Variants in METTL5 observed in about 807,000 individuals in gnomAD.
The protein encoded by METTL5 is methyltransferase 5, N6-adenosine.
In METTL5, 28 loss-of-function variants were observed where a neutral mutation model predicts 26.5. The observed-to-expected ratio is 1.06, with a 90% confidence interval of 0.78 to 1.45. The LOEUF (loss-of-function observed/expected upper bound fraction) is 1.45. Ranked by LOEUF, METTL5 falls within the 40% of genes most tolerant of loss-of-function variation. The pLI is 0.00. For missense variants in METTL5, 231 were observed against 249.9 expected (o/e 0.92, Z 0.51); for synonymous variants, 86 against 82.6 (o/e 1.04, Z -0.22).
At position 169,824,639 on chromosome 2, in the gene METTL5, A is replaced by T. The variant is rs993893572; in HGVS notation, c.-42T>A. 2.8e-6 allele frequency: 4 copies of T among 1,430,336 alleles called. No homozygotes were observed. In the African/African-American group the frequency reaches 5.6e-5, roughly 20 times the overall value. The allele number at this position is 1,430,336 out of a possible 1,614,324, so 88.6% of individuals were successfully genotyped here. On this transcript the variant is annotated 5_prime_UTR_variant, in exon 1 of 7. Coordinates refer to ENST00000260953, the MANE Select transcript of METTL5 (RefSeq NM_014168.4). ...GACTCGTAGGGTTTGAAGGCACAGG[A>T]TCTGCGGAGAAATCTATTGAACTGG...
At position 169,821,992 on chromosome 2, in the gene METTL5, C is replaced by T. The variant is rs11554575; in HGVS notation, c.175G>A (p.Gly59Arg). 1 of 1,613,576 alleles carries T rather than the reference C, an allele frequency of 6.2e-7. No homozygotes were observed. The highest frequency in any genetic ancestry group is 8.5e-7 in the Non-Finnish European group (1 of 1,180,002). Residue 59 changes from glycine to arginine, a missense_variant, in exon 2 of 7, where the codon GGA (glycine) becomes AGA (arginine). Transcript: ENST00000260953. Reference sequence around the variant, plus strand: ...ATGCTAAGTACTCCACAACCACATCCTAGATCTGCAACGACTTTATTTTCA... The same window carrying T: ...ATGCTAAGTACTCCACAACCACATCTTAGATCTGCAACGACTTTATTTTCA... ...DIENKVVADL[G>R]CGCGVLSIGT...
chr2:169,817,895 G>T (rs567228133), intron 4 of METTL5, among the ~76,000 whole-genome samples: 1 of 152,144 alleles, frequency 6.6e-6, no homozygotes, highest in East Asian at 1.9e-4. Flanking sequence ...ATGTACCCTA[G>T]AACTTAAAGT....
chr2:169,821,871 A>G, intron 2 of METTL5, 72 bp downstream of exon 2: 4 of 1,356,378 alleles, frequency 2.9e-6, no homozygotes, highest in Non-Finnish European at 4.2e-6. Context: ...CATAAATATA[A>G]TTCAGTTAAT....
chr2:169,823,663 T>TA (rs1168517917), intron 1 of METTL5, among the ~76,000 whole-genome samples: 1 of 151,812 alleles, frequency 6.6e-6, no homozygotes, highest in Non-Finnish European at 1.5e-5. Context: ...CTACAAAAAA[T>TA]AAAAAATATT....
At chr2:169,819,412 T>C in intron 4 of METTL5, 149 bp downstream of exon 4, 1 of 545,520 alleles carries the variant, frequency 1.8e-6, no homozygotes, top group Admixed American at 3.2e-5. Flanking sequence ...AATCAGATGC[T>C]AGCTGGTTAA....
chr2:169,816,319 AG>A (rs1379319059), intron 4 of METTL5, among the ~76,000 whole-genome samples: 1 of 152,342 alleles, frequency 6.6e-6, no homozygotes. Flanking sequence ...GTTCGTTACT[AG>A]AGAAGTTTCT....
Position 169,819,451 on chromosome 2 carries a change from A to G in METTL5, c.489+110T>C, listed in dbSNP as rs532285135. ...GAAAATTTAAGTTTCACATGTCAAAATGGTCAGGAGAAATAGATACTGTGG... is the reference window on the plus strand; with the variant it reads ...GAAAATTTAAGTTTCACATGTCAAAGTGGTCAGGAGAAATAGATACTGTGG... On this transcript the variant is annotated intron_variant, in intron 4 of 6. Coordinates refer to ENST00000260953, the MANE Select transcript of METTL5 (RefSeq NM_014168.4). 1.5e-5 allele frequency: 11 copies of G among 722,114 alleles called. No individual in the cohort carries two copies. The African/African-American group carries it at 2.0e-4, about 13-fold the overall frequency. 44.7% of individuals were successfully genotyped at this position (722,114 alleles called of 1,614,324 possible).
At chr2:169,811,906 A>G (rs772545794) in intron 6 of METTL5, 48 bp from the exon 7 acceptor site, 2 of 1,583,112 alleles carry the variant, frequency 1.3e-6, no homozygotes, top group South Asian at 1.1e-5. Context: ...TCTTTTTGTT[A>G]TGCAAATGAG....
At chr2:169,812,170 C>T (rs1420020438) in intron 6 of METTL5, 2 of 569,144 alleles carry the variant, frequency 3.5e-6, no homozygotes, top group Non-Finnish European at 6.0e-6. Flanking sequence ...ATGGTGTCTC[C>T]TAGGCTGGCT....
intron 2 of METTL5, among the ~76,000 whole-genome samples, 179 bp from the exon 3 acceptor site, chr2:169,821,452 A>T (rs1374886006): frequency 6.6e-6 from 1 of 151,340 alleles, no homozygotes; most frequent in Non-Finnish European, 1.5e-5. Flanking sequence ...TGTGCCACCC[A>T]GGTGAGTGTA....
rs758754390 is a variant in METTL5, at chr2:169,822,065, AT to A, written c.110-9del. 8.2e-6 allele frequency: 13 copies of A among 1,586,680 alleles called. No individual in the cohort carries two copies. The highest frequency in any genetic ancestry group is 5.5e-5 in the African/African-American group (4 of 72,214). On this transcript the variant is annotated splice_polypyrimidine_tract_variant and intron_variant, in intron 1 of 6. Coordinates refer to ENST00000260953, the MANE Select transcript of METTL5 (RefSeq NM_014168.4). Reference sequence around the variant, plus strand: ...TTGTATAGAGCATACATGCTAAAAAATAAAAAAAAAAAGAATAAGTAAGCAA... The same window carrying A: ...TTGTATAGAGCATACATGCTAAAAAAAAAAAAAAAAAGAATAAGTAAGCAA...
Position 169,824,689 on chromosome 2 carries a change from A to C in METTL5, c.-92T>G. ...GGATCTTGTTTCCTCCCTACCCCCA[A>C]CCTTCTCCCTTTTTCAGCACCGCTG... On this transcript the variant is annotated 5_prime_UTR_variant, in exon 1 of 7. Coordinates refer to ENST00000260953, the MANE Select transcript of METTL5 (RefSeq NM_014168.4). 1 of 1,042,982 alleles carries C rather than the reference A, an allele frequency of 9.6e-7. No individual in the cohort carries two copies. Among genetic ancestry groups the C allele is most frequent in the Non-Finnish European group, 1.5e-6 (1 of 668,368 alleles). The allele number at this position is 1,042,982 out of a possible 1,614,324, so 64.6% of individuals were successfully genotyped here.
At chr2:169,822,341 T>C (rs140853264) in intron 1 of METTL5, among the ~76,000 whole-genome samples, 282 of 152,230 alleles carry the variant, frequency 1.9e-3, no homozygotes, top group Non-Finnish European at 3.2e-3. Flanking sequence ...TAAAAAAAAG[T>C]CAAAACGTTT....
At chr2:169,812,366 G>A (rs574659742) in intron 6 of METTL5, 91 bp downstream of exon 6, 22 of 1,607,308 alleles carry the variant, frequency 1.4e-5, no homozygotes, top group African/African-American at 4.0e-5. Context: ...TCAGCCTCCC[G>A]AGTAGCTGGG....
At chr2:169,812,844 C>T (rs1180788621) in intron 5 of METTL5, 1 of 173,830 alleles carries the variant, frequency 5.8e-6, no homozygotes, top group Non-Finnish European at 1.2e-5. Flanking sequence ...AATCTCATAA[C>T]CATATTTATT....
chr2:169,815,079 G>T (rs1039340205), intron 5 of METTL5, among the ~76,000 whole-genome samples: 3 of 151,938 alleles, frequency 2.0e-5, no homozygotes, highest in Non-Finnish European at 2.9e-5. Context: ...TTTTAGTAGA[G>T]ATGGGGTTTC....
intron 6 of METTL5, chr2:169,812,086 T>C (rs115840061): frequency 1.7e-6 from 1 of 603,624 alleles, no homozygotes; most frequent in Non-Finnish European, 2.8e-6. Flanking sequence ...TTTTTTTTTC[T>C]TTTTGTACCC....
intron 4 of METTL5, 51 bp downstream of exon 4, chr2:169,819,510 G>T: frequency 7.2e-7 from 1 of 1,389,922 alleles, no homozygotes. Context: ...TAAAAACACT[G>T]TCATGAATTT....
chr2:169,824,196 AC>A (rs2081621666), intron 1 of METTL5: 1 of 298,564 alleles, frequency 3.3e-6, no homozygotes. Context: ...AACAAGTCTA[AC>A]AAATTCCTTG....
Sources: gnomAD v4.1 joint callset for allele counts (sites outside exome capture counted in the v4.1 genomes callset) on GRCh38, gnomAD v4.1.1 for gene constraint, MANE v1.5 for transcripts, NCBI Gene and HGNC (gene_info 2026-07-23, HGNC 2026-07-21) for gene names.